The following ANXA10 variants were observed in gnomAD, a reference collection of about 807,000 sequenced individuals.
The protein encoded by ANXA10 is annexin 14.
A neutral mutation model predicts 53.5 loss-of-function variants in ANXA10; 49 were observed. That is an observed-to-expected ratio of 0.92 (90% CI 0.73 to 1.16). The LOEUF (loss-of-function observed/expected upper bound fraction) is 1.16, where lower values mean the gene tolerates loss of function less well. Ranked by LOEUF, ANXA10 falls within the 50% of genes most tolerant of loss-of-function variation. ANXA10 has a pLI of 0.00. For synonymous variants in ANXA10, 131 were observed against 128.9 expected (o/e 1.02, Z -0.11); for missense variants, 393 against 394.4 (o/e 1.00, Z 0.03).
rs560136706 is a variant in ANXA10, at chr4:168,128,255, T to A, written c.100+90T>A. The A allele has an allele frequency of 1.6e-4, 137 of 862,714 alleles. 1 individual carries two copies. The African/African-American group carries it at 2.4e-3, about 15-fold the overall frequency. 53.4% of individuals were successfully genotyped at this position (862,714 alleles called of 1,614,324 possible). A position where few individuals can be genotyped will look rare whatever the true frequency, so the allele number is the denominator to read the frequency against. ...TATACTGTGGGTATAAAATAGTTGATGTCTTACAAAACACAGATACAGATT... is the reference window on the plus strand; with the variant it reads ...TATACTGTGGGTATAAAATAGTTGAAGTCTTACAAAACACAGATACAGATT... On this transcript the variant is annotated intron_variant, in intron 2 of 11. Coordinates refer to ENST00000359299, the MANE Select transcript of ANXA10 (RefSeq NM_007193.5).
In ANXA10 at chr4:168,187,500, C is replaced by T. The variant is rs1732394103; in HGVS notation, c.*66C>T. 1.9e-6 allele frequency: 2 copies of T among 1,049,896 alleles called. No individual in the cohort carries two copies. The highest frequency in any genetic ancestry group is 3.2e-5 in the African/African-American group (2 of 61,726). The allele number at this position is 1,049,896 out of a possible 1,614,324, so 65.0% of individuals were successfully genotyped here. ...ACACTTCCAAATAGAGATTTTCTCA[C>T]AAATTTGTACTGTTCATGGCACTAT... On this transcript the variant is annotated 3_prime_UTR_variant, in exon 12 of 12. Transcript: ENST00000359299.
intron 2 of ANXA10, among the ~76,000 whole-genome samples, chr4:168,133,992 A>T (rs1731195510): frequency 6.6e-6 from 1 of 152,088 alleles, no homozygotes; most frequent in African/African-American, 2.4e-5. Flanking sequence ...TATATGAAGA[A>T]GAGGTTATAT....
At chr4:168,154,043 A>G (rs1290534006) in intron 3 of ANXA10, among the ~76,000 whole-genome samples, 1 of 152,106 alleles carries the variant, frequency 6.6e-6, no homozygotes, top group Non-Finnish European at 1.5e-5. Context: ...TTGAAAACAA[A>G]GATACAAGCG....
At chr4:168,161,669 A>T (rs998057152) in intron 3 of ANXA10, among the ~76,000 whole-genome samples, 3 of 152,138 alleles carry the variant, frequency 2.0e-5, no homozygotes, top group African/African-American at 7.2e-5. Context: ...GGCCATTTTC[A>T]TGATATTGAT....
Position 168,177,995 on chromosome 4 carries a change from C to G in ANXA10, c.628+12C>G. 1 of 1,611,812 alleles carries G rather than the reference C, an allele frequency of 6.2e-7. No homozygotes were observed. Among genetic ancestry groups the G allele is most frequent in the Non-Finnish European group, 8.5e-7 (1 of 1,179,046 alleles). The stretch of plus-strand genomic sequence containing the variant: ...GCAGCTGCGGCTGGGTAATTATTAA[C>G]TGGGTTTCGTTCCAGCTACTTGACC... On this transcript the variant is annotated intron_variant, in intron 8 of 11. Transcript: ENST00000359299.
chr4:168,175,149 A>T (rs1732102057), intron 6 of ANXA10, among the ~76,000 whole-genome samples: 1 of 152,172 alleles, frequency 6.6e-6, no homozygotes, highest in Non-Finnish European at 1.5e-5. Context: ...CTGAGGAGTA[A>T]CCAATAAAAT....
chr4:168,132,487 G>A (rs924515582), intron 2 of ANXA10, among the ~76,000 whole-genome samples: 9 of 152,186 alleles, frequency 5.9e-5, no homozygotes, highest in Admixed American at 2.0e-4. Flanking sequence ...GAAGGGTAGC[G>A]GAGGGCTGCT....
intron 1 of ANXA10, among the ~76,000 whole-genome samples, chr4:168,093,633 C>T (rs1730495164): frequency 2.0e-5 from 3 of 152,020 alleles, no homozygotes; most frequent in South Asian, 2.1e-4. Context: ...GCCGAGATCG[C>T]GCCACTGCAC....
Position 168,177,736 on chromosome 4 carries a change from A to C in ANXA10, c.481-4A>C. 6.2e-7 allele frequency: 1 copy of C among 1,614,148 alleles called. No homozygotes were observed. Among genetic ancestry groups the C allele is most frequent in the Non-Finnish European group, 8.5e-7 (1 of 1,179,990 alleles). On this transcript the variant is annotated splice_region_variant and splice_polypyrimidine_tract_variant and intron_variant, in intron 6 of 11. Coordinates refer to ENST00000359299, the MANE Select transcript of ANXA10 (RefSeq NM_007193.5). ...TACATGGAAAACCTGTGCTTACTTT[A>C]CAGGGGACCAGAGAGGAAGGATATA...
intron 6 of ANXA10, among the ~76,000 whole-genome samples, chr4:168,171,574 C>G (rs1731989805): frequency 6.6e-6 from 1 of 152,046 alleles, no homozygotes; most frequent in East Asian, 1.9e-4. Flanking sequence ...GCCTTAGGTT[C>G]TTGTGAAATG....
intron 1 of ANXA10, among the ~76,000 whole-genome samples, chr4:168,101,141 G>T (rs1244900451): frequency 6.6e-6 from 1 of 151,998 alleles, no homozygotes; most frequent in African/African-American, 2.4e-5. Context: ...TCATGAGAGT[G>T]AGTTCTTGCA....
In ANXA10 at chr4:168,129,432, A is replaced by G. The variant is rs151193204; in HGVS notation, c.100+1267A>G. 1.1e-4 allele frequency among the ~76,000 whole-genome samples: 16 copies of G among 152,256 alleles called. No homozygotes were observed. The East Asian group carries it at 3.1e-3, about 29-fold the overall frequency. On this transcript the variant is annotated intron_variant, in intron 2 of 11. Transcript: ENST00000359299. The stretch of plus-strand genomic sequence containing the variant: ...TCACCAAAAAGTTTTTCTTTGCTCC[A>G]GTTTCAATGTTCCTGTCATTGCAAT...
At chr4:168,096,572 C>T (rs564661644) in intron 1 of ANXA10, among the ~76,000 whole-genome samples, 13 of 152,122 alleles carry the variant, frequency 8.5e-5, no homozygotes, top group African/African-American at 2.6e-4. Flanking sequence ...ATCACTGTAG[C>T]GTAGTGGCTA....
At chr4:168,173,184 A>G (rs1470009343) in intron 6 of ANXA10, among the ~76,000 whole-genome samples, 1 of 152,204 alleles carries the variant, frequency 6.6e-6, no homozygotes, top group East Asian at 1.9e-4. Flanking sequence ...AAATAAATCA[A>G]TGTGATAGGA....
chr4:168,115,163 A>C (rs541360748), intron 1 of ANXA10, among the ~76,000 whole-genome samples: 1 of 152,196 alleles, frequency 6.6e-6, no homozygotes, highest in African/African-American at 2.4e-5. Context: ...GATTTCAGAC[A>C]TGAGTCACTG....
chr4:168,128,175 AT>A lies in ANXA10; in HGVS notation c.100+12del. ...GCACTCCAAGGATTTGGTAAGTCTG[AT>A]TATTTCTACCATCTTTTATTGTGAT... On this transcript the variant is annotated intron_variant, in intron 2 of 11. Coordinates refer to ENST00000359299, the MANE Select transcript of ANXA10 (RefSeq NM_007193.5). The A allele has an allele frequency of 6.2e-7, 1 of 1,602,708 alleles. No homozygotes were observed. Among genetic ancestry groups the A allele is most frequent in the East Asian group, 2.2e-5 (1 of 44,676 alleles).
At chr4:168,170,266 A>C (rs1731958731) in intron 6 of ANXA10, among the ~76,000 whole-genome samples, 1 of 152,168 alleles carries the variant, frequency 6.6e-6, no homozygotes, top group African/African-American at 2.4e-5. Flanking sequence ...TTGAATTTTT[A>C]ATTTGATTTT....
Position 168,119,999 on chromosome 4 carries a change from G to A in ANXA10, c.19-8085G>A, listed in dbSNP as rs566414220. Among the ~76,000 whole-genome samples, 3 of 152,006 alleles carry A rather than the reference G, an allele frequency of 2.0e-5. No individual in the cohort carries two copies. In the South Asian group the frequency reaches 6.3e-4, roughly 32 times the overall value. ...GTCTCACTTTTTTCATTTACAAAAC[G>A]GGGAATAATATAGCTATAATAGCAT... On this transcript the variant is annotated intron_variant, in intron 1 of 11. Coordinates refer to ENST00000359299, the MANE Select transcript of ANXA10 (RefSeq NM_007193.5).
chr4:168,187,582 A>C lies in ANXA10; in HGVS notation c.*148A>C, dbSNP rs555288145. On this transcript the variant is annotated 3_prime_UTR_variant, in exon 12 of 12. Coordinates refer to ENST00000359299, the MANE Select transcript of ANXA10 (RefSeq NM_007193.5). Reference sequence around the variant, plus strand: ...TATCTTTGAAATTATTCTAAGCCAAAGAAAACTATGAATGAAAGTATATGA... The same window carrying C: ...TATCTTTGAAATTATTCTAAGCCAACGAAAACTATGAATGAAAGTATATGA... The C allele has an allele frequency of 1.2e-4, 55 of 469,936 alleles. No homozygotes were observed. Among genetic ancestry groups the C allele is most frequent in the Admixed American group, 7.2e-4 (17 of 23,688 alleles). The allele number at this position is 469,936 out of a possible 1,614,324, so 29.1% of individuals were successfully genotyped here. A position where few individuals can be genotyped will look rare whatever the true frequency, so the allele number is the denominator to read the frequency against.
Sources: allele counts gnomAD v4.1 joint callset (sites outside exome capture counted in the v4.1 genomes callset), GRCh38; gene constraint gnomAD v4.1.1; transcripts MANE v1.5; gene names NCBI Gene and HGNC (gene_info 2026-07-23, HGNC 2026-07-21).